The following CYB5D2 variants were observed in gnomAD, a reference collection of about 807,000 sequenced individuals.
CYB5D2 encodes cytochrome b5 domain containing 2.
Under a neutral mutation model 22.8 loss-of-function variants are expected in CYB5D2, and 23 were observed. The ratio of observed to expected loss-of-function variants is 1.01; its 90% CI spans 0.73 to 1.43. The LOEUF is 1.43. Ranked by LOEUF, CYB5D2 falls within the 40% of genes most tolerant of loss-of-function variation. The probability of loss-of-function intolerance (pLI) is 0.00; values close to 1 mark genes in which losing one functional copy is unlikely to be tolerated. For missense variants in CYB5D2, 373 were observed against 357.2 expected, an observed-to-expected ratio of 1.04 and a Z score of -0.36; for synonymous variants, 170 against 152.2, an observed-to-expected ratio of 1.12 and a Z score of -0.86.
At chr17:4,153,775 G>A (rs1352134523) in intron 2 of CYB5D2, among the ~76,000 whole-genome samples, 1 of 152,234 alleles carries the variant, frequency 6.6e-6, no homozygotes, top group Non-Finnish European at 1.5e-5. Context: ...AGTATGATGT[G>A]GATGTAGAGG....
intron 1 of CYB5D2, among the ~76,000 whole-genome samples, chr17:4,144,581 A>C (rs2058960296): frequency 6.6e-6 from 1 of 152,058 alleles, no homozygotes; most frequent in African/African-American, 2.4e-5. Flanking sequence ...CCTTCCTTAG[A>C]AGGTTAGGGC....
chr17:4,147,422 T>C (rs999549396), intron 1 of CYB5D2, among the ~76,000 whole-genome samples: 1 of 152,216 alleles, frequency 6.6e-6, no homozygotes, highest in African/African-American at 2.4e-5. Flanking sequence ...AAGACAGACA[T>C]TAAATAGATA....
intron 2 of CYB5D2, chr17:4,151,045 C>G (rs1275665042): frequency 1.3e-5 from 2 of 152,220 alleles, no homozygotes; most frequent in Non-Finnish European, 2.9e-5. Context: ...AGAATTCTTT[C>G]CTTAATGCCT....
chr17:4,149,815 G>C, intron 1 of CYB5D2, 76 bp from the exon 2 acceptor site: 4 of 1,535,690 alleles, frequency 2.6e-6, no homozygotes, highest in Non-Finnish European at 3.5e-6. Flanking sequence ...AAAAGAAAAA[G>C]AAAGAAAACA....
chr17:4,152,628 C>T (rs1365041864), intron 2 of CYB5D2, among the ~76,000 whole-genome samples: 1 of 152,222 alleles, frequency 6.6e-6, no homozygotes, highest in Non-Finnish European at 1.5e-5. Flanking sequence ...ACAGGCTTGT[C>T]ACCATATAAC....
intron 1 of CYB5D2, among the ~76,000 whole-genome samples, chr17:4,148,542 G>T (rs563041288): frequency 6.8e-6 from 1 of 146,582 alleles, no homozygotes; most frequent in Non-Finnish European, 1.5e-5. Context: ...AAAAAATGGG[G>T]AACTGCATTC....
At chr17:4,144,787 T>C (rs8066337) in intron 1 of CYB5D2, among the ~76,000 whole-genome samples, 36,468 of 151,728 alleles carry the variant, frequency 0.24, 4,615 homozygotes, top group African/African-American at 0.32. Flanking sequence ...GGACCACCAG[T>C]CTAGTGCTTT....
intron 1 of CYB5D2, among the ~76,000 whole-genome samples, chr17:4,145,185 T>C (rs1015502291): frequency 6.6e-6 from 1 of 152,214 alleles, no homozygotes; most frequent in Non-Finnish European, 1.5e-5. Context: ...TAAGATCAGC[T>C]ACTAGGCTGA....
Position 4,149,814 on chromosome 17 carries a change from A to G in CYB5D2, c.251-77A>G, listed in dbSNP as rs148723615. 8.4e-6 allele frequency: 13 copies of G among 1,544,168 alleles called. No homozygotes were observed. The African/African-American group carries it at 9.8e-5, about 12-fold the overall frequency. ...ACTCCGTCTCAAAAAAAAAAGAAAA[A>G]GAAAGAAAACAGATTCTTGAGTGGG... is the stretch of plus-strand genomic sequence containing the variant. On this transcript the variant is annotated intron_variant, in intron 1 of 3. Coordinates refer to ENST00000301391, the MANE Select transcript of CYB5D2 (RefSeq NM_144611.4).
intron 3 of CYB5D2, 50 bp downstream of exon 3, chr17:4,154,910 C>G: frequency 6.4e-7 from 1 of 1,553,622 alleles, no homozygotes; most frequent in Non-Finnish European, 8.7e-7. Flanking sequence ...AATCCAACTC[C>G]TAGGCCATCC....
At chr17:4,154,131 A>G (rs1342722687) in intron 2 of CYB5D2, among the ~76,000 whole-genome samples, 1 of 152,144 alleles carries the variant, frequency 6.6e-6, no homozygotes, top group Non-Finnish European at 1.5e-5. Flanking sequence ...GCCATAGCTT[A>G]GACTTTTACA....
At chr17:4,147,357 T>C (rs928355572) in intron 1 of CYB5D2, among the ~76,000 whole-genome samples, 1 of 152,248 alleles carries the variant, frequency 6.6e-6, no homozygotes, top group African/African-American at 2.4e-5. Context: ...CACTGGGGAA[T>C]CCATAGTAAA....
At position 4,154,820 on chromosome 17, in the gene CYB5D2, A is replaced by G; in HGVS notation, c.538A>G (p.Ser180Gly). 6.2e-7 allele frequency: 1 copy of G among 1,614,146 alleles called. No individual in the cohort carries two copies. Among genetic ancestry groups the G allele is most frequent in the Non-Finnish European group, 8.5e-7 (1 of 1,180,018 alleles). The stretch of plus-strand genomic sequence containing the variant: ...ATTCCCGCCGTGCAACGCGGAGTGG[A>G]GCTCAGCCAGGGGCAGCCGGCTCTG... ...QTFPPCNAEW[S>G]SARGSRLWCS... Residue 180 changes from serine to glycine, a missense_variant, in exon 3 of 4, where the codon AGC becomes GGC. Transcript: ENST00000301391.
chr17:4,147,259 A>G (rs976478552), intron 1 of CYB5D2, among the ~76,000 whole-genome samples: 1 of 151,852 alleles, frequency 6.6e-6, no homozygotes, highest in Non-Finnish European at 1.5e-5. Context: ...CGATACAGCG[A>G]GACTCTATCT....
Position 4,143,644 on chromosome 17 carries a change from A to AGAGAGAGCGAGAGCGCGC in CYB5D2, c.-105_-104insCGAGAGCGCGCGAGAGAG. ...GAGGGAGCGCGAGCACTAGCGCGCG[A>AGAGAGAGCGAGAGCGCGC]GAGAGAGAGCGAGAGCGCGCGCGCC... On this transcript the variant is annotated 5_prime_UTR_variant, in exon 1 of 4. Transcript: ENST00000301391. 1.0e-6 allele frequency: 1 copy of AGAGAGAGCGAGAGCGCGC among 979,604 alleles called. No homozygotes were observed. Among genetic ancestry groups the AGAGAGAGCGAGAGCGCGC allele is most frequent in the Non-Finnish European group, 1.4e-6 (1 of 719,280 alleles). 60.7% of individuals were successfully genotyped at this position (979,604 alleles called of 1,614,324 possible).
At chr17:4,146,583 G>A (rs2058994493) in intron 1 of CYB5D2, among the ~76,000 whole-genome samples, 1 of 151,848 alleles carries the variant, frequency 6.6e-6, no homozygotes, top group Non-Finnish European at 1.5e-5. Context: ...GTAGAGACGG[G>A]GTTTCACTGT....
At chr17:4,145,670 ATGCTCCC>A (rs2058982252) in intron 1 of CYB5D2, among the ~76,000 whole-genome samples, 2 of 152,138 alleles carry the variant, frequency 1.3e-5, no homozygotes, top group African/African-American at 4.8e-5. Context: ...TGTCTGCAAC[ATGCTCCC>A]CACCGCCCAC....
rs370619770 is a variant in CYB5D2, at chr17:4,157,174, C to T, written c.*92C>T. On this transcript the variant is annotated 3_prime_UTR_variant, in exon 4 of 4. Transcript: ENST00000301391. The surrounding 1 kb of genome is among the most constrained non-coding windows in gnomAD (Gnocchi z 4.4). Reference sequence around the variant, plus strand: ...TTGTGTGCCCTGGGATGCCTCCTGGCGCGAATCAGGAGGGTCTGGAAGGAC... The same window carrying T: ...TTGTGTGCCCTGGGATGCCTCCTGGTGCGAATCAGGAGGGTCTGGAAGGAC... 19 of 1,399,170 alleles carry T rather than the reference C, an allele frequency of 1.4e-5. No individual in the cohort carries two copies. The highest frequency in any genetic ancestry group is 2.5e-5 in the South Asian group (2 of 78,966). 86.7% of individuals were successfully genotyped at this position (1,399,170 alleles called of 1,614,324 possible). A position where few individuals can be genotyped will look rare whatever the true frequency, so the allele number is the denominator to read the frequency against.
chr17:4,156,381 G>A (rs986989970), intron 3 of CYB5D2, among the ~76,000 whole-genome samples: 2 of 152,260 alleles, frequency 1.3e-5, no homozygotes, highest in African/African-American at 4.8e-5. Flanking sequence ...AGAGAAGGCC[G>A]ACCCAGGTGG....
Sources: gnomAD v4.1 joint callset for allele counts (sites outside exome capture counted in the v4.1 genomes callset) on GRCh38, gnomAD v4.1.1 for gene constraint, Gnocchi (gnomAD v3.1) non-coding constraint, MANE v1.5 for transcripts, NCBI Gene and HGNC (gene_info 2026-07-23, HGNC 2026-07-21) for gene names.